The following PTPRG variants were observed in gnomAD, a reference collection of about 807,000 sequenced individuals.
PTPRG encodes the protein receptor-type tyrosine-protein phosphatase gamma.
A neutral mutation model predicts 165.3 loss-of-function variants in PTPRG; 102 were observed. The observed-to-expected ratio is 0.62, with a 90% confidence interval of 0.53 to 0.73. PTPRG has a LOEUF of 0.73. Among genes scored for constraint, PTPRG ranks in the 30% least tolerant of loss-of-function variants. The pLI is 0.00. For synonymous variants in PTPRG, 675 were observed against 669.5 expected, an observed-to-expected ratio of 1.01 and a Z score of -0.13; for missense variants, 1,866 against 1,861.4, an observed-to-expected ratio of 1.00 and a Z score of -0.05.
chr3:62,019,367 C>A (rs949432893), intron 4 of PTPRG, among the ~76,000 whole-genome samples: 1 of 151,958 alleles, frequency 6.6e-6, no homozygotes, highest in African/African-American at 2.4e-5. Flanking sequence ...ACCAAAAATA[C>A]AAAAACTTAG....
intron 2 of PTPRG, among the ~76,000 whole-genome samples, chr3:61,910,482 G>T (rs1419778571): frequency 6.6e-6 from 1 of 152,166 alleles, no homozygotes; most frequent in Non-Finnish European, 1.5e-5. Flanking sequence ...TGCTGGTGAT[G>T]TTGAGCATCA....
intron 2 of PTPRG, chr3:61,769,527 C>G (rs948587628): frequency 6.6e-6 from 1 of 152,106 alleles, no homozygotes; most frequent in Non-Finnish European, 1.5e-5. Flanking sequence ...CCCAGCTTAG[C>G]CTTGCAAAGT....
chr3:61,583,589 G>T (rs901859889), intron 1 of PTPRG, among the ~76,000 whole-genome samples: 2 of 152,100 alleles, frequency 1.3e-5, no homozygotes, highest in African/African-American at 4.8e-5. Flanking sequence ...TACTCTTTGG[G>T]TATTGATCTC....
At chr3:61,651,184 G>A (rs868262374) in intron 1 of PTPRG, among the ~76,000 whole-genome samples, 2 of 151,484 alleles carry the variant, frequency 1.3e-5, no homozygotes, top group South Asian at 2.1e-4. Flanking sequence ...CTACCAGATG[G>A]GTGTGTTGGC....
Position 61,707,193 on chromosome 3 carries a change from C to T in PTPRG, c.86-41685C>T, listed in dbSNP as rs537572197. ...AATAATGCTGAAGTGAAAAAAGTAG[C>T]ATATGCATCCTCATGCATATATGCG... On this transcript the variant is annotated intron_variant, in intron 1 of 29. Transcript: ENST00000474889. Among the ~76,000 whole-genome samples the T allele has an allele frequency of 5.9e-5, 9 of 152,312 alleles. No individual in the cohort carries two copies. In the East Asian group the frequency reaches 1.7e-3, roughly 29 times the overall value.
chr3:61,737,359 G>A (rs564765423), intron 1 of PTPRG, among the ~76,000 whole-genome samples: 186 of 152,232 alleles, frequency 1.2e-3, no homozygotes, highest in African/African-American at 4.2e-3. Context: ...ACGGTGTAGA[G>A]TATATACTGT....
rs1700896533 is a variant in PTPRG at position 62,231,304 on chromosome 3, G to A, written c.2368G>A (p.Gly790Arg). Residue 790 changes from glycine to arginine, a missense_variant, in exon 14 of 30, where the codon GGG (glycine) becomes AGG (arginine). Physicochemically the swap from Gly to Arg is moderately radical, Grantham distance 125. Coordinates refer to ENST00000474889, the MANE Select transcript of PTPRG (RefSeq NM_002841.4). ...TTCTTCTGGGGAGAGAGGAGAGAAG[G>A]GGAGCAGGTGAGGGGCGGTCAAGCT... ...VPSSGERGEK[G>R]SRKCFQTAHF... 6.3e-7 allele frequency: 1 copy of A among 1,593,276 alleles called. No individual in the cohort carries two copies. The highest frequency in any genetic ancestry group is 1.1e-5 in the South Asian group (1 of 87,354).
chr3:62,176,464 C>T (rs927699641), intron 8 of PTPRG, among the ~76,000 whole-genome samples: 1 of 152,154 alleles, frequency 6.6e-6, no homozygotes, highest in African/African-American at 2.4e-5. Context: ...CAAGAACTTG[C>T]AAGTGGTGCC....
At chr3:61,607,852 TGGA>T (rs2106864443) in intron 1 of PTPRG, among the ~76,000 whole-genome samples, 1 of 152,258 alleles carries the variant, frequency 6.6e-6, no homozygotes, top group African/African-American at 2.4e-5. Context: ...GGCTGGACTG[TGGA>T]GAACTGGACG....
chr3:61,641,876 G>A (rs755749640), intron 1 of PTPRG, among the ~76,000 whole-genome samples: 11 of 152,120 alleles, frequency 7.2e-5, no homozygotes, highest in South Asian at 2.1e-4. Flanking sequence ...ATTTTGTTTT[G>A]CATTTATATT....
At chr3:62,131,284 A>C (rs1343815593) in intron 5 of PTPRG, among the ~76,000 whole-genome samples, 1 of 152,144 alleles carries the variant, frequency 6.6e-6, no homozygotes, top group Non-Finnish European at 1.5e-5. Flanking sequence ...ACATGGTCAC[A>C]TGTCCCTCTT....
chr3:61,677,549 T>A (rs146315556), intron 1 of PTPRG, among the ~76,000 whole-genome samples: 1 of 152,332 alleles, frequency 6.6e-6, no homozygotes, highest in Non-Finnish European at 1.5e-5. Context: ...AGATGTATAT[T>A]TACTTATTAA....
chr3:61,905,834 A>G (rs546158834), intron 2 of PTPRG, among the ~76,000 whole-genome samples: 26 of 152,334 alleles, frequency 1.7e-4, no homozygotes, highest in African/African-American at 6.3e-4. Flanking sequence ...GTCTGTGTCC[A>G]TTTAACTTCC....
chr3:61,930,859 G>A (rs546769018), intron 2 of PTPRG, among the ~76,000 whole-genome samples: 11 of 152,268 alleles, frequency 7.2e-5, no homozygotes, highest in East Asian at 1.9e-4. Flanking sequence ...TCAGGAGTTC[G>A]AGACCAGCCT....
At chr3:62,180,649 G>A (rs1705610019) in intron 8 of PTPRG, among the ~76,000 whole-genome samples, 1 of 152,176 alleles carries the variant, frequency 6.6e-6, no homozygotes, top group Non-Finnish European at 1.5e-5. Flanking sequence ...CGTCCAAGAT[G>A]CACGCAGCTG....
Position 62,218,464 on chromosome 3 carries a change from C to G in PTPRG, c.2156-387C>G, listed in dbSNP as rs145059084. On this transcript the variant is annotated intron_variant, in intron 12 of 29. Coordinates refer to ENST00000474889, the MANE Select transcript of PTPRG (RefSeq NM_002841.4). ...CTTGCCCTAGAGAACCTGAGAGGCT[C>G]TTGGACAGCCATTCCACCCTTGCTT... Among the ~76,000 whole-genome samples, 194 of 152,294 alleles carry G rather than the reference C, an allele frequency of 1.3e-3. 2 individuals carry two copies. The highest frequency in any genetic ancestry group is 4.3e-3 in the African/African-American group (179 of 41,570).
intron 2 of PTPRG, among the ~76,000 whole-genome samples, chr3:61,960,079 C>T (rs1559714295): frequency 6.6e-6 from 1 of 152,140 alleles, no homozygotes; most frequent in Non-Finnish European, 1.5e-5. Flanking sequence ...GTAGGGTCTC[C>T]TTGATATTTT....
intron 1 of PTPRG, among the ~76,000 whole-genome samples, chr3:61,588,430 G>A (rs1700489536): frequency 6.6e-6 from 1 of 151,510 alleles, no homozygotes; most frequent in Non-Finnish European, 1.5e-5. Flanking sequence ...TGCCCAGGCC[G>A]GAGTGATGTT....
chr3:62,023,483 T>C (rs1033459208), intron 4 of PTPRG, among the ~76,000 whole-genome samples: 1 of 152,170 alleles, frequency 6.6e-6, no homozygotes, highest in Admixed American at 6.5e-5. Flanking sequence ...TCTTCTAAAG[T>C]TGTAAGTGCT....
Sources: allele counts gnomAD v4.1 joint callset (sites outside exome capture counted in the v4.1 genomes callset), GRCh38; gene constraint gnomAD v4.1.1; transcripts MANE v1.5; gene names NCBI Gene and HGNC (gene_info 2026-07-23, HGNC 2026-07-21).